Variants in NBAS observed in about 807,000 individuals in gnomAD.
The protein encoded by NBAS is NBAS subunit of NRZ tethering complex, also known as NAG/BC035112 fusion.
Under a neutral mutation model 302.5 loss-of-function variants are expected in NBAS, and 219 were observed. The observed-to-expected ratio is 0.72, with a 90% CI of 0.65 to 0.81. NBAS has a LOEUF of 0.81. NBAS is among the 30% of genes least tolerant of loss of function. The pLI, the probability that NBAS is intolerant of heterozygous loss-of-function variation, is 0.00. For missense variants in NBAS, 2,932 were observed against 2,841.6 expected, an observed-to-expected ratio of 1.03 and a Z score of -0.72; for synonymous variants, 1,118 against 1,021.6, an observed-to-expected ratio of 1.09 and a Z score of -1.80.
chr2:15,163,469 C>T (rs543604702), downstream of NBAS, among the ~76,000 whole-genome samples: 1 of 152,316 alleles, frequency 6.6e-6, no homozygotes, highest in African/African-American at 2.4e-5. Context: ...GACATTCTGA[C>T]TGAATGGGTC....
chr2:15,186,541 C>T (rs1369015424), intron 50 of NBAS, among the ~76,000 whole-genome samples: 1 of 152,132 alleles, frequency 6.6e-6, no homozygotes, highest in Non-Finnish European at 1.5e-5. Flanking sequence ...ACAGGAAACG[C>T]TGGCCCCCAC....
rs535432516 is a variant in NBAS, at chr2:15,370,964, T to C, written c.3703+3644A>G. On this transcript the variant is annotated intron_variant, in intron 31 of 51. Coordinates refer to ENST00000281513, the MANE Select transcript of NBAS (RefSeq NM_015909.4). ...TTTTGAAATGTGAGGACATGAGATC[T>C]AGAAGGGGCCGGGGTGAAATGATAT... Among the ~76,000 whole-genome samples, 5 of 152,226 alleles carry C rather than the reference T, an allele frequency of 3.3e-5. No individual in the cohort carries two copies. The South Asian group carries it at 8.3e-4, about 25-fold the overall frequency.
chr2:14,963,984 G>A, the NBAS span, among the ~76,000 whole-genome samples: 64 of 152,256 alleles, frequency 4.2e-4, no homozygotes, highest in Admixed American at 9.8e-4. Context: ...AAATGCTACC[G>A]TAGCCTAGCA....
chr2:14,825,034 A>C, the NBAS span, among the ~76,000 whole-genome samples: 2 of 152,208 alleles, frequency 1.3e-5, no homozygotes, highest in Non-Finnish European at 2.9e-5. Flanking sequence ...AAAGTATTTT[A>C]ATTCACAGAA....
the NBAS span, among the ~76,000 whole-genome samples, chr2:15,144,828 T>C: frequency 6.6e-6 from 1 of 152,190 alleles, no homozygotes; most frequent in African/African-American, 2.4e-5. Flanking sequence ...AGCACATGCA[T>C]GTTTTGAAGG....
chr2:15,198,215 T>C (rs1206665397), intron 48 of NBAS, among the ~76,000 whole-genome samples: 1 of 152,230 alleles, frequency 6.6e-6, no homozygotes, highest in Non-Finnish European at 1.5e-5. Flanking sequence ...ATATATTTAG[T>C]TTCACACAAA....
At chr2:14,842,857 A>AC in the NBAS span, among the ~76,000 whole-genome samples, 8 of 151,096 alleles carry the variant, frequency 5.3e-5, no homozygotes, top group African/African-American at 2.0e-4. Context: ...AAAAAAAAAA[A>AC]AAAAAAACAT....
chr2:15,034,297 A>G, the NBAS span, among the ~76,000 whole-genome samples: 2 of 76,522 alleles, frequency 2.6e-5, no homozygotes, highest in East Asian at 4.9e-4. Flanking sequence ...AGAAAGAAAG[A>G]AAGAAAGATG....
At chr2:15,118,902 A>G in the NBAS span, among the ~76,000 whole-genome samples, 1 of 152,226 alleles carries the variant, frequency 6.6e-6, no homozygotes, top group Non-Finnish European at 1.5e-5. Context: ...TTTGTTAAGC[A>G]GCAATTCACA....
At chr2:15,195,713 G>T (rs2125151733) in intron 48 of NBAS, among the ~76,000 whole-genome samples, 1 of 152,296 alleles carries the variant, frequency 6.6e-6, no homozygotes, top group Admixed American at 6.5e-5. Flanking sequence ...TGAAGCTGGT[G>T]ATCAGCAGCT....
the NBAS span, among the ~76,000 whole-genome samples, chr2:14,831,809 G>T: frequency 6.6e-6 from 1 of 152,146 alleles, no homozygotes; most frequent in Non-Finnish European, 1.5e-5. Flanking sequence ...ATATCGTAGG[G>T]CTTAAAAGAA....
chr2:15,343,426 A>G (rs1672948201), intron 35 of NBAS, among the ~76,000 whole-genome samples: 1 of 152,144 alleles, frequency 6.6e-6, no homozygotes, highest in Non-Finnish European at 1.5e-5. Context: ...TCCAGAGCAC[A>G]TGGGGAAAAA....
intron 48 of NBAS, among the ~76,000 whole-genome samples, chr2:15,195,635 GTCTC>G (rs995027414): frequency 1.3e-5 from 2 of 152,248 alleles, no homozygotes; most frequent in Admixed American, 6.5e-5. Flanking sequence ...TTGTTAAAAT[GTCTC>G]TCTAAAATAA....
At chr2:15,222,021 T>A (rs1294690442) in intron 47 of NBAS, among the ~76,000 whole-genome samples, 2 of 152,206 alleles carry the variant, frequency 1.3e-5, no homozygotes, top group Admixed American at 6.5e-5. Context: ...ATTCGTATAT[T>A]GGAGATGGAT....
At chr2:15,064,302 CA>C in the NBAS span, among the ~76,000 whole-genome samples, 6,479 of 131,098 alleles carry the variant, frequency 0.049, 300 homozygotes, top group African/African-American at 0.12. Context: ...AGAAAAGACT[CA>C]AAAAAAAAAA....
the NBAS span, among the ~76,000 whole-genome samples, chr2:14,977,733 T>C: frequency 6.6e-6 from 1 of 152,190 alleles, no homozygotes; most frequent in African/African-American, 2.4e-5. Context: ...TCATCATTTT[T>C]AAATAGAACT....
intron 21 of NBAS, among the ~76,000 whole-genome samples, chr2:15,449,591 C>CT (rs66987265): frequency 0.62 from 94,533 of 151,596 alleles, 30,236 homozygotes; most frequent in Middle Eastern, 0.68. Context: ...GCCCTGAACC[C>CT]TTTTTTTTCT....
At chr2:15,150,512 G>A in the NBAS span, among the ~76,000 whole-genome samples, 1 of 152,126 alleles carries the variant, frequency 6.6e-6, no homozygotes, top group African/African-American at 2.4e-5. Context: ...TGGTATTTAA[G>A]AGGATGTAAA....
chr2:14,783,607 G>T, the NBAS span, among the ~76,000 whole-genome samples: 72 of 151,112 alleles, frequency 4.8e-4, 1 homozygote, highest in Non-Finnish European at 7.8e-4. Flanking sequence ...TACTGAGAAT[G>T]ATGATTTCCA....
Sources: gnomAD v4.1 joint callset for allele counts (sites outside exome capture counted in the v4.1 genomes callset) on GRCh38, gnomAD v4.1.1 for gene constraint, MANE v1.5 for transcripts, NCBI Gene and HGNC (gene_info 2026-07-23, HGNC 2026-07-21) for gene names.